NTM: variants seen among roughly 807,000 people sequenced by gnomAD.
NTM encodes IgLON family member 2.
NTM carries 13 observed loss-of-function variants against 42.1 expected under a neutral mutation model. The observed-to-expected ratio is 0.31, with a 90% CI of 0.20 to 0.49. The LOEUF (loss-of-function observed/expected upper bound fraction) is 0.49, where lower values mean the gene tolerates loss of function less well. NTM is among the 20% of genes least tolerant of loss of function. The pLI, the probability that NTM is intolerant of heterozygous loss-of-function variation, is 0.99. For missense variants in NTM, 373 were observed against 452.8 expected, an observed-to-expected ratio of 0.82 and a Z score of 1.60; for synonymous variants, 187 against 179.2, an observed-to-expected ratio of 1.04 and a Z score of -0.35.
At chr11:131,384,100 C>A (rs139130720) in intron 1 of NTM, among the ~76,000 whole-genome samples, 34 of 152,218 alleles carry the variant, frequency 2.2e-4, no homozygotes, top group African/African-American at 7.9e-4. Flanking sequence ...CAATTTGGGT[C>A]ATGATGGGTT....
intron 2 of NTM, among the ~76,000 whole-genome samples, chr11:132,032,334 T>C (rs2135674313): frequency 6.6e-6 from 1 of 152,312 alleles, no homozygotes; most frequent in South Asian, 2.1e-4. Context: ...GTCCTTGACT[T>C]GAAGCTCTTA....
intron 3 of NTM, among the ~76,000 whole-genome samples, chr11:132,160,367 G>C (rs924107710): frequency 1.3e-5 from 2 of 152,180 alleles, no homozygotes; most frequent in African/African-American, 4.8e-5. Context: ...TGAAGCTCAC[G>C]GTCTGGTGGG....
intron 1 of NTM, among the ~76,000 whole-genome samples, chr11:131,728,876 A>G (rs1254065896): frequency 6.6e-6 from 1 of 152,186 alleles, no homozygotes; most frequent in African/African-American, 2.4e-5. Context: ...CAGTCAACTC[A>G]TTAGTGTACA....
chr11:132,017,153 T>G (rs951094873), intron 2 of NTM, among the ~76,000 whole-genome samples: 5 of 151,980 alleles, frequency 3.3e-5, no homozygotes, highest in Admixed American at 6.6e-5. Context: ...TTGATGAAAG[T>G]CAGTTTATCA....
chr11:132,139,938 A>G (rs2068749194), intron 2 of NTM, among the ~76,000 whole-genome samples: 1 of 152,274 alleles, frequency 6.6e-6, no homozygotes, highest in Non-Finnish European at 1.5e-5. Flanking sequence ...ACTTAAAATC[A>G]ATCAAGTCAG....
At chr11:131,797,340 G>A (rs777515895) in intron 1 of NTM, among the ~76,000 whole-genome samples, 6 of 152,124 alleles carry the variant, frequency 3.9e-5, no homozygotes, top group African/African-American at 7.2e-5. Flanking sequence ...CTGTAAGGGG[G>A]GGCAGGATGC....
At chr11:132,165,394 G>T (rs2075112515) in intron 3 of NTM, among the ~76,000 whole-genome samples, 1 of 152,152 alleles carries the variant, frequency 6.6e-6, no homozygotes, top group African/African-American at 2.4e-5. Flanking sequence ...CATCTTTGCT[G>T]TCATGGCCTT....
At chr11:132,097,039 T>A (rs2061088142) in intron 2 of NTM, among the ~76,000 whole-genome samples, 1 of 152,316 alleles carries the variant, frequency 6.6e-6, no homozygotes, top group South Asian at 2.1e-4. Context: ...TGAATAGATT[T>A]GTTTCAGGTG....
intron 3 of NTM, among the ~76,000 whole-genome samples, chr11:132,176,308 G>A (rs1369356877): frequency 6.6e-6 from 1 of 151,604 alleles, no homozygotes; most frequent in Admixed American, 6.6e-5. Flanking sequence ...TCTAAAAGAT[G>A]GGTTTGGTCA....
chr11:131,873,428 A>G (rs1565656931), intron 1 of NTM, among the ~76,000 whole-genome samples: 1 of 151,496 alleles, frequency 6.6e-6, no homozygotes, highest in Non-Finnish European at 1.5e-5. Flanking sequence ...CTTAAAACCT[A>G]GATGATGGGT....
intron 1 of NTM, among the ~76,000 whole-genome samples, chr11:131,451,009 TCA>T (rs1371259831): frequency 3.3e-5 from 5 of 152,176 alleles, no homozygotes; most frequent in Admixed American, 3.3e-4. Context: ...TATGCCCATT[TCA>T]CACAGTCTAT....
chr11:132,105,938 C>T (rs1220216638), intron 2 of NTM, among the ~76,000 whole-genome samples: 1 of 152,190 alleles, frequency 6.6e-6, no homozygotes, highest in Admixed American at 6.5e-5. Flanking sequence ...ACTCCCTCCA[C>T]CAGCCTGCCA....
chr11:131,469,206 G>A (rs998396550), intron 1 of NTM, among the ~76,000 whole-genome samples: 4 of 152,140 alleles, frequency 2.6e-5, no homozygotes, highest in South Asian at 2.1e-4. Flanking sequence ...CTCTGCTAAC[G>A]TGTGTGGGCT....
At chr11:131,773,945 T>G (rs934549019) in intron 1 of NTM, 1 of 928,008 alleles carries the variant, frequency 1.1e-6, no homozygotes, top group African/African-American at 1.8e-5. Flanking sequence ...TTCCCACAAG[T>G]GTGTTAAAGC....
chr11:132,324,346 A>G (rs1158374070), intron 7 of NTM, among the ~76,000 whole-genome samples: 2 of 149,324 alleles, frequency 1.3e-5, no homozygotes, highest in Non-Finnish European at 3.0e-5. Flanking sequence ...TACAAAATCA[A>G]TGTGCAAAAA....
At chr11:132,299,171 T>G (rs566961465) in intron 4 of NTM, among the ~76,000 whole-genome samples, 2 of 152,056 alleles carry the variant, frequency 1.3e-5, no homozygotes, top group Non-Finnish European at 2.9e-5. Context: ...GGCAGGCGCC[T>G]GTAGTCCCAG....
intron 2 of NTM, among the ~76,000 whole-genome samples, chr11:132,142,247 G>A (rs905634683): frequency 6.6e-5 from 10 of 152,162 alleles, no homozygotes; most frequent in African/African-American, 2.4e-4. Flanking sequence ...TCTGATGAGC[G>A]GCCATCTCCA....
chr11:131,484,801 C>A (rs539831163), intron 1 of NTM, among the ~76,000 whole-genome samples: 1 of 152,224 alleles, frequency 6.6e-6, no homozygotes, highest in South Asian at 2.1e-4. Flanking sequence ...TAAGCATCTT[C>A]TATGTTGCAG....
intron 3 of NTM, among the ~76,000 whole-genome samples, chr11:132,173,697 A>G (rs1208635023): frequency 6.6e-6 from 1 of 152,146 alleles, no homozygotes; most frequent in Non-Finnish European, 1.5e-5. Flanking sequence ...CATTCATTCC[A>G]TGTTCCAAGT....
Sources: gnomAD v4.1 joint callset for allele counts (sites outside exome capture counted in the v4.1 genomes callset) on GRCh38, gnomAD v4.1.1 for gene constraint, MANE v1.5 for transcripts, NCBI Gene and HGNC (gene_info 2026-07-23, HGNC 2026-07-21) for gene names.